Variants in KCNJ6 observed in about 807,000 individuals in gnomAD.
The protein encoded by KCNJ6 is potassium inwardly rectifying channel subfamily J member 6.
KCNJ6 carries 9 observed loss-of-function variants against 34.2 expected under a neutral mutation model. The observed-to-expected ratio is 0.26, with a 90% CI of 0.16 to 0.46. The LOEUF (loss-of-function observed/expected upper bound fraction) is 0.46. KCNJ6 is among the 20% of genes least tolerant of loss of function. The pLI is 1.00. For missense variants in KCNJ6, 236 were observed against 531.3 expected, an observed-to-expected ratio of 0.44 and a Z score of 5.46; for synonymous variants, 196 against 207.1, an observed-to-expected ratio of 0.95 and a Z score of 0.46.
chr21:37,701,080 G>A (rs2054688525), intron 3 of KCNJ6, among the ~76,000 whole-genome samples: 1 of 152,212 alleles, frequency 6.6e-6, no homozygotes. Context: ...CCACCCCAAT[G>A]GAGATGCCCA....
At chr21:37,850,529 G>A (rs1025481023) in intron 1 of KCNJ6, among the ~76,000 whole-genome samples, 2 of 152,068 alleles carry the variant, frequency 1.3e-5, no homozygotes, top group African/African-American at 4.8e-5. Flanking sequence ...ATGATGTGAG[G>A]TGGAACAGTT....
At chr21:37,719,825 G>A (rs1183740199) in intron 2 of KCNJ6, among the ~76,000 whole-genome samples, 1 of 152,206 alleles carries the variant, frequency 6.6e-6, no homozygotes, top group African/African-American at 2.4e-5. Flanking sequence ...GAATCAGTGG[G>A]ATTGTGTTGT....
Position 37,697,366 on chromosome 21 carries a change from G to A in KCNJ6, c.946+16845C>T, listed in dbSNP as rs1417987734. 2.0e-5 allele frequency among the ~76,000 whole-genome samples: 3 copies of A among 152,134 alleles called. No homozygotes were observed. In the East Asian group the frequency reaches 5.8e-4, roughly 29 times the overall value. ...GGGTGTGAAGAATTTCGATTGGCTG[G>A]GGGAAAGGAGCCATAGAAAGTGGGG... On this transcript the variant is annotated intron_variant, in intron 3 of 3. Transcript: ENST00000609713.
intron 3 of KCNJ6, among the ~76,000 whole-genome samples, chr21:37,688,267 A>G (rs567390600): frequency 6.6e-6 from 1 of 152,204 alleles, no homozygotes; most frequent in Non-Finnish European, 1.5e-5. Context: ...CTTATTAGTA[A>G]GCACTTTTTC....
Position 37,731,100 on chromosome 21 carries a change from AGTGTGTGT to A in KCNJ6, c.26-15977_26-15970del, listed in dbSNP as rs113587330. Among the ~76,000 whole-genome samples, 21 of 134,782 alleles carry A rather than the reference AGTGTGTGT, an allele frequency of 1.6e-4. No individual in the cohort carries two copies. The East Asian group carries it at 2.4e-3, about 16-fold the overall frequency. 88.4% of individuals were successfully genotyped at this position (134,782 alleles called of 152,430 possible). The stretch of plus-strand genomic sequence containing the variant: ...TCTGCCATTGCAGATAGATGAGAGA[AGTGTGTGT>A]GTGTGTGTGTGTGTGTGTGTTTGTG... On this transcript the variant is annotated intron_variant, in intron 2 of 3. Transcript: ENST00000609713.
At chr21:37,643,495 C>T (rs1385368880) in intron 3 of KCNJ6, among the ~76,000 whole-genome samples, 1 of 152,148 alleles carries the variant, frequency 6.6e-6, no homozygotes, top group East Asian at 1.9e-4. Flanking sequence ...GGAAGAATGC[C>T]TTTAGCTGGG....
intron 3 of KCNJ6, among the ~76,000 whole-genome samples, chr21:37,647,790 T>A (rs1283208680): frequency 6.6e-6 from 1 of 152,220 alleles, no homozygotes; most frequent in African/African-American, 2.4e-5. Context: ...TGCTTCCTCA[T>A]GTGGAACACC....
At chr21:37,881,447 C>A (rs1444256582) in intron 1 of KCNJ6, among the ~76,000 whole-genome samples, 1 of 149,852 alleles carries the variant, frequency 6.7e-6, no homozygotes, top group Non-Finnish European at 1.5e-5. Flanking sequence ...GCTATATCTT[C>A]ACTTGGCCTT....
At position 37,875,535 on chromosome 21, in the gene KCNJ6, G is replaced by A. The variant is rs900345319; in HGVS notation, c.-27-34826C>T. Among the ~76,000 whole-genome samples, 5 of 152,192 alleles carry A rather than the reference G, an allele frequency of 3.3e-5. No homozygotes were observed. In the East Asian group the frequency reaches 5.8e-4, roughly 18 times the overall value. ...CCTGGCTTCTACCCTAGGGTTCCTC[G>A]GGGTTTAATTGCTGGTGGTTTTATG... On this transcript the variant is annotated intron_variant, in intron 1 of 3. Transcript: ENST00000609713.
At chr21:37,698,700 T>A (rs2054675337) in intron 3 of KCNJ6, among the ~76,000 whole-genome samples, 1 of 146,754 alleles carries the variant, frequency 6.8e-6, no homozygotes, top group Non-Finnish European at 1.5e-5. Flanking sequence ...CCCAGGTAAT[T>A]TTTTTTTTTT....
chr21:37,839,841 C>A (rs1007172142), intron 2 of KCNJ6, among the ~76,000 whole-genome samples: 2 of 152,146 alleles, frequency 1.3e-5, no homozygotes, highest in Non-Finnish European at 2.9e-5. Flanking sequence ...TCTTGCTCTG[C>A]TGCCCAGACT....
intron 2 of KCNJ6, among the ~76,000 whole-genome samples, chr21:37,792,002 T>C (rs745529805): frequency 2.6e-5 from 4 of 152,244 alleles, no homozygotes; most frequent in African/African-American, 4.8e-5. Flanking sequence ...TCAAACGAAT[T>C]GAGCAGGGTT....
intron 2 of KCNJ6, among the ~76,000 whole-genome samples, chr21:37,784,504 T>C (rs1269260098): frequency 2.0e-5 from 3 of 152,198 alleles, no homozygotes; most frequent in Admixed American, 6.5e-5. Flanking sequence ...TATTTGGAAA[T>C]ACGGTCTTTG....
intron 1 of KCNJ6, among the ~76,000 whole-genome samples, chr21:37,876,096 G>A (rs2055676595): frequency 1.3e-5 from 2 of 152,180 alleles, no homozygotes; most frequent in Non-Finnish European, 2.9e-5. Flanking sequence ...CAAATTTCAA[G>A]ACAATGATGG....
chr21:37,641,650 G>A (rs967886149), intron 3 of KCNJ6, among the ~76,000 whole-genome samples: 1 of 151,926 alleles, frequency 6.6e-6, no homozygotes, highest in South Asian at 2.1e-4. Flanking sequence ...AAGAGCTGTT[G>A]TAGGAAGGCT....
intron 2 of KCNJ6, among the ~76,000 whole-genome samples, chr21:37,728,696 G>GTATATA (rs113895292): frequency 6.3e-5 from 9 of 142,398 alleles, no homozygotes; most frequent in African/African-American, 2.2e-4. Context: ...GTGTGTGTGT[G>GTATATA]TGTATATATA....
intron 2 of KCNJ6, among the ~76,000 whole-genome samples, chr21:37,769,405 C>T (rs2055106839): frequency 8.2e-6 from 1 of 121,538 alleles, no homozygotes; most frequent in African/African-American, 3.7e-5. Flanking sequence ...GTCCTGTAGC[C>T]TTCAATTTTA....
intron 3 of KCNJ6, among the ~76,000 whole-genome samples, chr21:37,631,052 C>T (rs1379675641): frequency 2.0e-5 from 3 of 152,164 alleles, no homozygotes; most frequent in Non-Finnish European, 4.4e-5. Flanking sequence ...CAGCACTTAT[C>T]AGAGTGTTTT....
At chr21:37,813,843 G>C (rs2055333889) in intron 2 of KCNJ6, among the ~76,000 whole-genome samples, 1 of 152,144 alleles carries the variant, frequency 6.6e-6, no homozygotes, top group African/African-American at 2.4e-5. Context: ...ATTGGTCTGT[G>C]CAAAAATTTC....
Sources: allele counts gnomAD v4.1 joint callset (sites outside exome capture counted in the v4.1 genomes callset), GRCh38; gene constraint gnomAD v4.1.1; transcripts MANE v1.5; gene names NCBI Gene and HGNC (gene_info 2026-07-23, HGNC 2026-07-21).